AZU1: variants seen among roughly 807,000 people sequenced by gnomAD.
AZU1 encodes the protein azurocidin 1.
In AZU1, 21 loss-of-function variants were observed where a neutral mutation model predicts 17.8. The observed-to-expected ratio is 1.18, with a 90% confidence interval of 0.84 to 1.70. The LOEUF (loss-of-function observed/expected upper bound fraction) is 1.70. AZU1 is among the 40% of genes most tolerant of loss of function. AZU1 has a pLI of 0.00. For missense variants in AZU1, 379 were observed against 362.9 expected, an observed-to-expected ratio of 1.04 and a Z score of -0.36; for synonymous variants, 178 against 155.2, an observed-to-expected ratio of 1.15 and a Z score of -1.09.
At position 831,992 on chromosome 19, in the gene AZU1, T is replaced by A. The variant is rs2035296023; in HGVS notation, c.*115T>A. The A allele has an allele frequency of 3.1e-6, 4 of 1,294,860 alleles. No individual in the cohort carries two copies. The East Asian group carries it at 9.6e-5, about 31-fold the overall frequency. 80.2% of individuals were successfully genotyped at this position (1,294,860 alleles called of 1,614,324 possible). A position where few individuals can be genotyped will look rare whatever the true frequency, so the allele number is the denominator to read the frequency against. The stretch of plus-strand genomic sequence containing the variant: ...GCTCCGGCCAGAGGGGCCCTGGCTG[T>A]AATAAAGAAGCCGATCTCTCCTCTG... On this transcript the variant is annotated 3_prime_UTR_variant, in exon 5 of 5. Coordinates refer to ENST00000233997, the MANE Select transcript of AZU1 (RefSeq NM_001700.5).
chr19:831,982 G>A lies in AZU1; in HGVS notation c.*105G>A. 7.4e-7 allele frequency: 1 copy of A among 1,355,266 alleles called. No homozygotes were observed. The highest frequency in any genetic ancestry group is 1.0e-6 in the Non-Finnish European group (1 of 996,970). 84.0% of individuals were successfully genotyped at this position (1,355,266 alleles called of 1,614,324 possible). ...CCCTGCCCCCGCTCCGGCCAGAGGG[G>A]CCCTGGCTGTAATAAAGAAGCCGAT... is the stretch of plus-strand genomic sequence containing the variant. On this transcript the variant is annotated 3_prime_UTR_variant, in exon 5 of 5. Coordinates refer to ENST00000233997, the MANE Select transcript of AZU1 (RefSeq NM_001700.5).
chr19:829,936 A>ATATGTGTGTGTGTGTGTGTGTGTG (rs368933425), intron 3 of AZU1, among the ~76,000 whole-genome samples: 5 of 137,766 alleles, frequency 3.6e-5, no homozygotes, highest in African/African-American at 1.4e-4. Flanking sequence ...AAAAATATAT[A>ATATGTGTGTGTGTGTGTGTGTGTG]TGTGTGTGTG....
rs745794088 is a variant in AZU1 at position 830,839 on chromosome 19, C to T, written c.492C>T (p.Ser164=). 2.5e-6 allele frequency: 4 copies of T among 1,608,390 alleles called. No individual in the cohort carries two copies. Among genetic ancestry groups the T allele is most frequent in the Middle Eastern group, 3.3e-4 (2 of 6,062 alleles). The change falls in exon 4 of 5, where the codon TCC becomes TCT. Residue 164 remains serine, a synonymous_variant. Transcript: ENST00000233997. The part of the protein sequence containing the change: ...WGSQRSGGRL[S]RFPRFVNVTV... ...GCCAGCGCAGTGGGGGGCGTCTCTC[C>T]CGTTTTCCCAGGTTTGTCAACGTGA...
rs1468081508 is a variant in AZU1 at position 827,995 on chromosome 19, C to T, written c.58+91C>T. On this transcript the variant is annotated intron_variant, in intron 1 of 4. Coordinates refer to ENST00000233997, the MANE Select transcript of AZU1 (RefSeq NM_001700.5). ...AGACTTAAAGCACAGAGAAGGCAAG[C>T]GGCTTGGCCTGGGTCACACAGCCAG... The T allele has an allele frequency of 2.3e-5, 35 of 1,500,022 alleles. 1 individual carries two copies. In the Middle Eastern group the frequency reaches 5.2e-4, roughly 22 times the overall value. The allele number at this position is 1,500,022 out of a possible 1,614,324, so 92.9% of individuals were successfully genotyped here.
intron 2 of AZU1, among the ~76,000 whole-genome samples, 199 bp from the exon 3 acceptor site, chr19:829,363 G>A (rs979915829): frequency 1.3e-5 from 2 of 149,310 alleles, no homozygotes; most frequent in African/African-American, 2.5e-5. Context: ...GGAGGAGGAG[G>A]CGCAGAGAAG....
In AZU1 at chr19:828,668, G is replaced by A. The variant is rs118013501; in HGVS notation, c.215+282G>A. On this transcript the variant is annotated intron_variant, in intron 2 of 4. Coordinates refer to ENST00000233997, the MANE Select transcript of AZU1 (RefSeq NM_001700.5). ...GAGGCTCAGATGGAGGAGGTGCAGT[G>A]AAGGAAAGGGGGTCAGATGGGGGAG... 2.3e-4 allele frequency among the ~76,000 whole-genome samples: 33 copies of A among 143,026 alleles called. 1 individual carries two copies. The East Asian group carries it at 6.7e-3, about 29-fold the overall frequency. 93.8% of individuals were successfully genotyped at this position (143,026 alleles called of 152,430 possible). A position where few individuals can be genotyped will look rare whatever the true frequency, so the allele number is the denominator to read the frequency against.
rs374411584 is a variant in AZU1, at chr19:829,626, C to T, written c.280C>T (p.Arg94Cys). The change falls in exon 3 of 5, where the codon CGC (arginine) becomes TGC (cysteine). Residue 94 changes from arginine (R) to cysteine (C), a missense_variant. By Grantham distance (180) the Arg-to-Cys change is radical. Coordinates refer to ENST00000233997, the MANE Select transcript of AZU1 (RefSeq NM_001700.5). The part of the protein sequence containing the change: ...YDLRRRERQS[R>C]QTFSISSMSE... ...CCTGAGGCGGCGGGAGAGGCAGTCCCGCCAGACGTTTTCCATCAGCAGCAT... is the reference window on the plus strand; with the variant it reads ...CCTGAGGCGGCGGGAGAGGCAGTCCTGCCAGACGTTTTCCATCAGCAGCAT... 38 of 1,613,234 alleles carry T rather than the reference C, an allele frequency of 2.4e-5. No homozygotes were observed. In the Middle Eastern group the frequency reaches 8.2e-4, roughly 35 times the overall value.
rs1376038610 is a variant in AZU1 at position 828,346 on chromosome 19, GC to G, written c.178del (p.Arg60AlafsTer3). ...CTTCTGCGGGGGTGCCCTGATCCAT[GC>G]CCGCTTCGTGATGACCGCGGCCAGC... ...RHFCGGALIH[A>X]RFVMTAASCF... is the part of the protein sequence containing the mutation. On this transcript the variant is annotated frameshift_variant, in exon 2 of 5. Coordinates refer to ENST00000233997, the MANE Select transcript of AZU1 (RefSeq NM_001700.5). LOFTEE classifies it high-confidence loss of function. 2 of 1,601,280 alleles carry G rather than the reference GC, an allele frequency of 1.2e-6. No individual in the cohort carries two copies. Among genetic ancestry groups the G allele is most frequent in the Non-Finnish European group, 1.7e-6 (2 of 1,172,624 alleles).
Position 828,333 on chromosome 19 carries a change from T to A in AZU1, c.162T>A (p.Gly54=). The A allele has an allele frequency of 6.2e-7, 1 of 1,608,022 alleles. No individual in the cohort carries two copies. The highest frequency in any genetic ancestry group is 8.5e-7 in the Non-Finnish European group (1 of 1,177,472). Residue 54 remains glycine, a synonymous_variant, in exon 2 of 5, where the codon GGT becomes GGA. Coordinates refer to ENST00000233997, the MANE Select transcript of AZU1 (RefSeq NM_001700.5). ...IQNQGRHFCG[G]ALIHARFVMT... ...ATCAAGGCAGGCACTTCTGCGGGGG[T>A]GCCCTGATCCATGCCCGCTTCGTGA... is the stretch of plus-strand genomic sequence containing the variant.
chr19:831,726 G>C lies in AZU1; in HGVS notation c.605G>C (p.Gly202Ala). ...RRGGICNGDG[G>A]TPLVCEGLAH... ...CTGCTGCCTGCCCAGGGGGACGGGG[G>C]CACCCCCCTCGTCTGCGAGGGCCTG... Residue 202 changes from glycine to alanine, a missense_variant, in exon 5 of 5, where the codon GGC (glycine) becomes GCC (alanine). Coordinates refer to ENST00000233997, the MANE Select transcript of AZU1 (RefSeq NM_001700.5). 6.2e-7 allele frequency: 1 copy of C among 1,605,720 alleles called. No homozygotes were observed. The highest frequency in any genetic ancestry group is 8.5e-7 in the Non-Finnish European group (1 of 1,176,716).
intron 3 of AZU1, 101 bp downstream of exon 3, chr19:829,807 A>G: frequency 1.4e-6 from 2 of 1,452,656 alleles, no homozygotes; most frequent in Non-Finnish European, 9.2e-7. Context: ...TACAAAAATT[A>G]GCCGGGAGTG....
At chr19:830,467 CG>C (rs1379179704) in intron 3 of AZU1, among the ~76,000 whole-genome samples, 4 of 152,140 alleles carry the variant, frequency 2.6e-5, no homozygotes, top group African/African-American at 7.2e-5. Flanking sequence ...AAAGTAGAGA[CG>C]GGGGTTTCAC....
chr19:831,612 G>T, intron 4 of AZU1, 104 bp from the exon 5 acceptor site: 1 of 1,286,658 alleles, frequency 7.8e-7, no homozygotes, highest in Non-Finnish European at 1.0e-6. Context: ...CCTGGGGCTG[G>T]ATCAGGACTT....
At chr19:831,224 G>A in intron 4 of AZU1, 1 of 437,146 alleles carries the variant, frequency 2.3e-6, no homozygotes, top group South Asian at 3.8e-5. Context: ...GGGATTACAG[G>A]CATGCGCCAC....
intron 2 of AZU1, 105 bp from the exon 3 acceptor site, chr19:829,457 T>C (rs551695158): frequency 1.4e-6 from 2 of 1,426,454 alleles, no homozygotes; most frequent in African/African-American, 2.8e-5. Context: ...GGGTGAAGGA[T>C]TGCAGTCTGC....
rs746661058 is a variant in AZU1 at position 831,698 on chromosome 19, C to G, written c.595-18C>G. On this transcript the variant is annotated intron_variant, in intron 4 of 4. Transcript: ENST00000233997. Reference sequence around the variant, plus strand: ...AGCCAGGCCCTGGGACGCCCTGACACAGCTGCTGCCTGCCCAGGGGGACGG... The same window carrying G: ...AGCCAGGCCCTGGGACGCCCTGACAGAGCTGCTGCCTGCCCAGGGGGACGG... The G allele has an allele frequency of 6.3e-7, 1 of 1,582,268 alleles. No individual in the cohort carries two copies. The highest frequency in any genetic ancestry group is 2.3e-5 in the East Asian group (1 of 43,622).
intron 3 of AZU1, 53 bp from the exon 4 acceptor site, chr19:830,655 A>G: frequency 1.4e-6 from 2 of 1,454,312 alleles, no homozygotes; most frequent in Non-Finnish European, 1.8e-6. Context: ...AGGGGTCCCC[A>G]TGAGGCTCCA....
At position 831,791 on chromosome 19, in the gene AZU1, C is replaced by G. The variant is rs759631246; in HGVS notation, c.670C>G (p.Arg224Gly). 6.2e-7 allele frequency: 1 copy of G among 1,612,772 alleles called. No individual in the cohort carries two copies. The highest frequency in any genetic ancestry group is 8.5e-7 in the Non-Finnish European group (1 of 1,179,834). ...CTCCTTTTCCCTGGGGCCCTGTGGC[C>G]GAGGCCCTGACTTCTTCACCCGAGT... is the stretch of plus-strand genomic sequence containing the variant. ...VASFSLGPCG[R>G]GPDFFTRVAL... The change falls in exon 5 of 5, where the codon CGA becomes GGA. Residue 224 changes from arginine to glycine, a missense_variant. Transcript: ENST00000233997.
At chr19:828,975 A>C (rs1408789899) in intron 2 of AZU1, among the ~76,000 whole-genome samples, 1 of 81,130 alleles carries the variant, frequency 1.2e-5, no homozygotes, top group African/African-American at 5.1e-5. Flanking sequence ...AGAGAAGGGA[A>C]GGGGGTCAGA....
Sources: gnomAD v4.1 joint callset for allele counts (sites outside exome capture counted in the v4.1 genomes callset) on GRCh38, gnomAD v4.1.1 for gene constraint, MANE v1.5 for transcripts, NCBI Gene and HGNC (gene_info 2026-07-23, HGNC 2026-07-21) for gene names.